The following CHRNA3 variants were observed in gnomAD, a reference collection of about 807,000 sequenced individuals.
The protein encoded by CHRNA3 is neuronal acetylcholine receptor subunit alpha-3.
Under a neutral mutation model 41.9 loss-of-function variants are expected in CHRNA3, and 34 were observed. The observed-to-expected ratio is 0.81, with a 90% CI of 0.62 to 1.08. The LOEUF (loss-of-function observed/expected upper bound fraction) is 1.08. Ranked by LOEUF, CHRNA3 falls within the 50% of genes least tolerant of loss-of-function variation. The pLI is 0.00. For synonymous variants in CHRNA3, 281 were observed against 265.2 expected, an observed-to-expected ratio of 1.06 and a Z score of -0.58; for missense variants, 542 against 638.3, an observed-to-expected ratio of 0.85 and a Z score of 1.63.
intron 3 of CHRNA3, among the ~76,000 whole-genome samples, chr15:78,617,831 T>C (rs1665056511): frequency 1.3e-5 from 2 of 152,178 alleles, no homozygotes; most frequent in Admixed American, 1.3e-4. Flanking sequence ...TTATGTCTCC[T>C]GGCAAGTCTG....
chr15:78,617,169 T>G, intron 3 of CHRNA3, 36 bp from the exon 4 acceptor site: 1 of 1,433,000 alleles, frequency 7.0e-7, no homozygotes, highest in Non-Finnish European at 9.8e-7. Flanking sequence ...AAGGAGACGG[T>G]AAAAGAATCA....
intron 4 of CHRNA3, among the ~76,000 whole-genome samples, chr15:78,606,141 T>C (rs546663518): frequency 6.6e-6 from 1 of 151,778 alleles, no homozygotes; most frequent in African/African-American, 2.4e-5. Context: ...GCCAACATGG[T>C]GAAACCCCGT....
In CHRNA3 at chr15:78,620,818, G is replaced by T; in HGVS notation, c.-24C>A. Reference sequence around the variant, plus strand: ...ATGGCTGGTGGCCGGGCTGGCCGCGGACCCGGACGGTCGGGAGCGGGCGCG... The same window carrying T: ...ATGGCTGGTGGCCGGGCTGGCCGCGTACCCGGACGGTCGGGAGCGGGCGCG... On this transcript the variant is annotated 5_prime_UTR_variant, in exon 1 of 6. Coordinates refer to ENST00000326828, the MANE Select transcript of CHRNA3 (RefSeq NM_000743.5). The T allele has an allele frequency of 7.2e-7, 1 of 1,381,580 alleles. No individual in the cohort carries two copies. Among genetic ancestry groups the T allele is most frequent in the Non-Finnish European group, 9.3e-7 (1 of 1,077,152 alleles). The allele number at this position is 1,381,580 out of a possible 1,614,324, so 85.6% of individuals were successfully genotyped here.
intron 5 of CHRNA3, among the ~76,000 whole-genome samples, chr15:78,597,096 C>T (rs2053124940): frequency 6.6e-6 from 1 of 152,142 alleles, no homozygotes; most frequent in Admixed American, 6.5e-5. Flanking sequence ...TAATATAGTC[C>T]AATATAATCT....
intron 1 of CHRNA3, among the ~76,000 whole-genome samples, chr15:78,620,498 G>A (rs967013433): frequency 2.6e-5 from 4 of 151,850 alleles, no homozygotes; most frequent in African/African-American, 9.7e-5. Flanking sequence ...CCCAGGTTTG[G>A]TGGTGGCTAG....
At position 78,609,819 on chromosome 15, in the gene CHRNA3, G is replaced by T. The variant is rs565811698; in HGVS notation, c.377+7205C>A. On this transcript the variant is annotated intron_variant, in intron 4 of 5. Coordinates refer to ENST00000326828, the MANE Select transcript of CHRNA3 (RefSeq NM_000743.5). The stretch of plus-strand genomic sequence containing the variant: ...AAGAGTCAAGACCCATCAGTGTGCT[G>T]TATTCAGGAAACCCATTTCACACGC... Among the ~76,000 whole-genome samples the T allele has an allele frequency of 3.3e-5, 5 of 152,314 alleles. No individual in the cohort carries two copies. The South Asian group carries it at 1.0e-3, about 32-fold the overall frequency.
downstream of CHRNA3, chr15:78,593,366 C>CT: frequency 9.5e-7 from 1 of 1,053,760 alleles, no homozygotes; most frequent in Non-Finnish European, 1.3e-6. Flanking sequence ...CTTTAACAGA[C>CT]TAAGTTGCTA....
downstream of CHRNA3, chr15:78,593,176 CTT>C: frequency 6.2e-7 from 1 of 1,613,738 alleles, no homozygotes; most frequent in South Asian, 1.1e-5. Context: ...TGTTGGATCT[CTT>C]GGGCTTTTTG....
chr15:78,618,832 C>T lies in CHRNA3; in HGVS notation c.166G>A (p.Val56Met), dbSNP rs1293192930. ...AAATGGATGATGACTGGGTCAGACACGTTGGCTACAGGCCGGATGATCTCA... is the reference window on the plus strand; with the variant it reads ...AAATGGATGATGACTGGGTCAGACATGTTGGCTACAGGCCGGATGATCTCA... ...YNEIIRPVANVSDPVIIHFEV... is the reference protein window; with the variant it reads ...YNEIIRPVANMSDPVIIHFEV... Residue 56 changes from valine to methionine, a missense_variant, in exon 2 of 6, where the codon GTG becomes ATG. Physicochemically the swap from Val to Met is conservative, Grantham distance 21. Coordinates refer to ENST00000326828, the MANE Select transcript of CHRNA3 (RefSeq NM_000743.5). The T allele has an allele frequency of 1.9e-6, 3 of 1,614,014 alleles. No homozygotes were observed. The highest frequency in any genetic ancestry group is 2.5e-6 in the Non-Finnish European group (3 of 1,179,918).
At chr15:78,599,666 A>G (rs1434647056) in intron 5 of CHRNA3, among the ~76,000 whole-genome samples, 2 of 147,590 alleles carry the variant, frequency 1.4e-5, no homozygotes, top group Non-Finnish European at 3.0e-5. Context: ...CCCTGGATTT[A>G]TTTCTCTTCT....
At chr15:78,615,712 T>C (rs886842234) in intron 4 of CHRNA3, among the ~76,000 whole-genome samples, 1 of 150,104 alleles carries the variant, frequency 6.7e-6, no homozygotes. Context: ...GAACAAAGAA[T>C]AAAATATTTT....
chr15:78,619,356 C>G (rs963616987), intron 1 of CHRNA3: 5 of 166,054 alleles, frequency 3.0e-5, no homozygotes, highest in Non-Finnish European at 5.3e-5. Context: ...TATTCGCAAT[C>G]TTTTCCTGGG....
intron 4 of CHRNA3, 70 bp downstream of exon 4, chr15:78,616,954 G>C (rs1480993188): frequency 2.4e-5 from 25 of 1,049,892 alleles, no homozygotes; most frequent in Non-Finnish European, 3.6e-5. Context: ...CAGGTTTTAA[G>C]CACAGTGGGC....
intron 4 of CHRNA3, among the ~76,000 whole-genome samples, chr15:78,612,094 A>G (rs1160708478): frequency 6.6e-6 from 1 of 152,160 alleles, no homozygotes; most frequent in Non-Finnish European, 1.5e-5. Flanking sequence ...AGAACATTCC[A>G]TGCTCATGGG....
In CHRNA3 at chr15:78,596,657, G is replaced by T. The variant is rs949752908; in HGVS notation, c.1465C>A (p.Leu489Ile). 9 of 1,612,762 alleles carry T rather than the reference G, an allele frequency of 5.6e-6. No homozygotes were observed. In the East Asian group the frequency reaches 2.0e-4, roughly 36 times the overall value. ...FLWVFTLVCI[L>I]GTAGLFLQPL... ...TGCAGAAACAATCCTGCTGTCCCTA[G>T]AATGCACACCAGGGTGAAAACCCAC... The change falls in exon 6 of 6, where the codon CTA becomes ATA. Residue 489 changes from leucine to isoleucine, a missense_variant. By Grantham distance (5) the Leu-to-Ile change is conservative. Coordinates refer to ENST00000326828, the MANE Select transcript of CHRNA3 (RefSeq NM_000743.5).
chr15:78,618,522 A>C, intron 3 of CHRNA3, 95 bp downstream of exon 3: 2 of 1,450,386 alleles, frequency 1.4e-6, no homozygotes, highest in Non-Finnish European at 1.9e-6. Flanking sequence ...CACAGAAGTA[A>C]ATGAAGCCTG....
At chr15:78,613,862 C>T (rs373523980) in intron 4 of CHRNA3, among the ~76,000 whole-genome samples, 5 of 151,284 alleles carry the variant, frequency 3.3e-5, no homozygotes, top group East Asian at 1.9e-4. Flanking sequence ...AGGAGAATGG[C>T]GTGAACCAGG....
At chr15:78,618,596 G>A in intron 3 of CHRNA3, 21 bp downstream of exon 3, 1 of 1,613,902 alleles carries the variant, frequency 6.2e-7, no homozygotes, top group Non-Finnish European at 8.5e-7. Flanking sequence ...GGGCAGCAGT[G>A]CCTAGGGTCT....
chr15:78,603,969 G>A (rs951033481), intron 4 of CHRNA3, among the ~76,000 whole-genome samples: 5 of 152,128 alleles, frequency 3.3e-5, no homozygotes, highest in Non-Finnish European at 5.9e-5. Flanking sequence ...GAGGGGCCCT[G>A]GAGAGGGCTG....
Sources: allele counts gnomAD v4.1 joint callset (sites outside exome capture counted in the v4.1 genomes callset), GRCh38; gene constraint gnomAD v4.1.1; transcripts MANE v1.5; gene names NCBI Gene and HGNC (gene_info 2026-07-23, HGNC 2026-07-21).